The following PTBP3 variants were observed in gnomAD, a reference collection of about 807,000 sequenced individuals.
PTBP3 encodes polypyrimidine tract-binding protein 3.
PTBP3 carries 20 observed loss-of-function variants against 58.7 expected under a neutral mutation model. That is an observed-to-expected ratio of 0.34 (90% CI 0.24 to 0.50). The LOEUF (loss-of-function observed/expected upper bound fraction) is 0.50, where lower values mean the gene tolerates loss of function less well. Among genes scored for constraint, PTBP3 ranks in the 20% least tolerant of loss-of-function variants. The probability of loss-of-function intolerance (pLI) is 0.98; values close to 1 mark genes in which losing one functional copy is unlikely to be tolerated. For missense variants in PTBP3, 509 were observed against 637.2 expected (o/e 0.80, Z 2.17); for synonymous variants, 185 against 219.8 (o/e 0.84, Z 1.40).
rs1349771271 is a variant in PTBP3 at position 112,221,821 on chromosome 9, C to G, written c.*2030G>C. On this transcript the variant is annotated 3_prime_UTR_variant, in exon 14 of 14. Coordinates refer to ENST00000374257, the MANE Select transcript of PTBP3 (RefSeq NM_001163788.4). ...CAATCTGTATCATCTCTTGCAGTCT[C>G]TATTTTTTGGTAAAATTTCTTCTGT... The G allele has an allele frequency of 3.0e-6, 3 of 984,924 alleles. No individual in the cohort carries two copies. Among genetic ancestry groups the G allele is most frequent in the Admixed American group, 6.2e-5 (1 of 16,260 alleles). 61.0% of individuals were successfully genotyped at this position (984,924 alleles called of 1,614,324 possible).
the PTBP3 span, among the ~76,000 whole-genome samples, chr9:112,378,683 A>G: frequency 6.6e-6 from 1 of 152,232 alleles, no homozygotes; most frequent in Non-Finnish European, 1.5e-5. Context: ...TCTAAAGAAC[A>G]CACTGGCTAC....
In PTBP3 at chr9:112,219,253, T is replaced by C. The variant is rs1033968222; in HGVS notation, c.*4598A>G. On this transcript the variant is annotated 3_prime_UTR_variant, in exon 14 of 14. Coordinates refer to ENST00000374257, the MANE Select transcript of PTBP3 (RefSeq NM_001163788.4). Reference sequence around the variant, plus strand: ...CTTTATAACTGGTACTTTCTGGATATGGGATGAATTTTTAAAAGATCTGGG... The same window carrying C: ...CTTTATAACTGGTACTTTCTGGATACGGGATGAATTTTTAAAAGATCTGGG... The C allele has an allele frequency of 6.6e-6, 1 of 152,516 alleles. No individual in the cohort carries two copies. The highest frequency in any genetic ancestry group is 1.5e-5 in the Non-Finnish European group (1 of 68,028). 9.4% of individuals were successfully genotyped at this position (152,516 alleles called of 1,614,324 possible). A position where few individuals can be genotyped will look rare whatever the true frequency, so the allele number is the denominator to read the frequency against.
intron 10 of PTBP3, 131 bp downstream of exon 10, chr9:112,231,249 T>A: frequency 1.7e-6 from 1 of 598,434 alleles, no homozygotes; most frequent in Non-Finnish European, 2.6e-6. Context: ...TACTAAGTCT[T>A]ATTCACTGTT....
At chr9:112,287,338 TTTG>T (rs986795968) in intron 2 of PTBP3, among the ~76,000 whole-genome samples, 7 of 135,286 alleles carry the variant, frequency 5.2e-5, no homozygotes, top group South Asian at 2.4e-4. Flanking sequence ...TTTTCAGTTT[TTTG>T]TTTTTTTTTT....
chr9:112,263,425 C>T lies in PTBP3; in HGVS notation c.352-826G>A, dbSNP rs375270583. ...CAAGTGATCAAAGAGCCCATCATTACTAACACAACAAATGGAAATTTTATA... is the reference window on the plus strand; with the variant it reads ...CAAGTGATCAAAGAGCCCATCATTATTAACACAACAAATGGAAATTTTATA... On this transcript the variant is annotated intron_variant, in intron 4 of 13. Transcript: ENST00000374257. 1.0e-3 allele frequency among the ~76,000 whole-genome samples: 152 copies of T among 152,268 alleles called. 1 individual carries two copies. Among genetic ancestry groups the T allele is most frequent in the African/African-American group, 3.3e-3 (136 of 41,560 alleles).
intron 1 of PTBP3, among the ~76,000 whole-genome samples, chr9:112,299,221 C>T (rs886966823): frequency 1.3e-5 from 2 of 152,162 alleles, no homozygotes; most frequent in African/African-American, 4.8e-5. Flanking sequence ...TATGAGTTAG[C>T]ATCAGTATGT....
intron 1 of PTBP3, among the ~76,000 whole-genome samples, chr9:112,331,015 G>T (rs1830346430): frequency 6.7e-6 from 1 of 149,714 alleles, no homozygotes; most frequent in Admixed American, 6.7e-5. Flanking sequence ...TCAAAGATTT[G>T]CTTTTTAAAA....
intron 5 of PTBP3, 33 bp downstream of exon 5, chr9:112,262,402 T>C (rs762311176): frequency 3.3e-6 from 5 of 1,504,826 alleles, no homozygotes; most frequent in Admixed American, 2.4e-5. Flanking sequence ...CATATTTAAC[T>C]TAACTTTCTT....
chr9:112,290,655 AAGTC>A (rs1828355259), intron 2 of PTBP3, among the ~76,000 whole-genome samples: 1 of 145,638 alleles, frequency 6.9e-6, no homozygotes, highest in Non-Finnish European at 1.5e-5. Flanking sequence ...CTGGGTGACA[AAGTC>A]AGACTCTGTC....
At chr9:112,295,960 C>T (rs968397158) in intron 2 of PTBP3, among the ~76,000 whole-genome samples, 3 of 152,158 alleles carry the variant, frequency 2.0e-5, no homozygotes, top group Non-Finnish European at 4.4e-5. Context: ...GCATGCAGCC[C>T]AGGACAGCTT....
Position 112,221,192 on chromosome 9 carries a change from A to G in PTBP3, c.*2659T>C. The G allele has an allele frequency of 1.0e-6, 1 of 985,160 alleles. No individual in the cohort carries two copies. Among genetic ancestry groups the G allele is most frequent in the Non-Finnish European group, 1.2e-6 (1 of 829,308 alleles). 61.0% of individuals were successfully genotyped at this position (985,160 alleles called of 1,614,324 possible). A position where few individuals can be genotyped will look rare whatever the true frequency, so the allele number is the denominator to read the frequency against. On this transcript the variant is annotated 3_prime_UTR_variant, in exon 14 of 14. Coordinates refer to ENST00000374257, the MANE Select transcript of PTBP3 (RefSeq NM_001163788.4). ...AATCTTAATTTGGTTAATTTTGTCA[A>G]TAAATTAAAATGTATGTAATGTGCA...
chr9:112,245,837 G>A (rs752860556), intron 7 of PTBP3, among the ~76,000 whole-genome samples: 1 of 152,086 alleles, frequency 6.6e-6, no homozygotes, highest in African/African-American at 2.4e-5. Context: ...AATGAAAAAC[G>A]AAAGTAGGAA....
chr9:112,278,199 G>GT (rs1429139658), intron 2 of PTBP3, among the ~76,000 whole-genome samples: 1 of 152,082 alleles, frequency 6.6e-6, no homozygotes, highest in African/African-American at 2.4e-5. Flanking sequence ...CTAGAAAAAG[G>GT]TAAGTGACTT....
At chr9:112,276,812 TGACAAG>T (rs1827631047) in intron 2 of PTBP3, among the ~76,000 whole-genome samples, 2 of 152,300 alleles carry the variant, frequency 1.3e-5, no homozygotes, top group African/African-American at 4.8e-5. Context: ...TAACTAGAAT[TGACAAG>T]CCTGTAAGGA....
At chr9:112,332,990 G>C in intron 1 of PTBP3, 1 of 1,310,558 alleles carries the variant, frequency 7.6e-7, no homozygotes, top group Non-Finnish European at 9.7e-7. Context: ...GACGTGTACC[G>C]ACGCGTGCAC....
chr9:112,234,861 G>C lies in PTBP3; in HGVS notation c.839C>G (p.Ala280Gly). The change falls in exon 8 of 14, where the codon GCT becomes GGT. Residue 280 changes from alanine (A) to glycine (G), a missense_variant. This residue lies in a region of PTBP3 where 121 missense variants were observed against 114.8 expected (regional missense o/e 1.05). Coordinates refer to ENST00000374257, the MANE Select transcript of PTBP3 (RefSeq NM_001163788.4). ...PGIISSPYAG[A>G]AGFAPAIGFP... The stretch of plus-strand genomic sequence containing the variant: ...TCCAATGGCTGGGGCAAATCCAGCA[G>C]CCCCTGCATATGGTGAAGAAATTAT... 1 of 1,613,028 alleles carries C rather than the reference G, an allele frequency of 6.2e-7. No homozygotes were observed. Among genetic ancestry groups the C allele is most frequent in the South Asian group, 1.1e-5 (1 of 91,036 alleles).
chr9:112,360,177 A>G, the PTBP3 span, among the ~76,000 whole-genome samples: 1 of 152,116 alleles, frequency 6.6e-6, no homozygotes, highest in African/African-American at 2.4e-5. Context: ...TACCACCCCT[A>G]AAACCCAAAG....
chr9:112,237,830 A>C (rs941153455), intron 7 of PTBP3, among the ~76,000 whole-genome samples: 3 of 152,212 alleles, frequency 2.0e-5, no homozygotes, highest in African/African-American at 7.2e-5. Flanking sequence ...GACTACAAGG[A>C]AGGTTTGCTT....
At chr9:112,263,086 G>T (rs189543687) in intron 4 of PTBP3, among the ~76,000 whole-genome samples, 1 of 152,124 alleles carries the variant, frequency 6.6e-6, no homozygotes, top group Non-Finnish European at 1.5e-5. Flanking sequence ...TTTGGGGCAG[G>T]GGGAGGGAGC....
Sources: allele counts gnomAD v4.1 joint callset (sites outside exome capture counted in the v4.1 genomes callset), GRCh38; gene constraint gnomAD v4.1.1; regional missense constraint gnomAD v4.1.1; transcripts MANE v1.5; gene names NCBI Gene and HGNC (gene_info 2026-07-23, HGNC 2026-07-21).